The following TMED5 variants were observed in gnomAD, a reference collection of about 807,000 sequenced individuals.
TMED5 encodes the protein transmembrane emp24 domain-containing protein 5.
In TMED5, 27 loss-of-function variants were observed where a neutral mutation model predicts 23.0. The ratio of observed to expected loss-of-function variants is 1.17; its 90% CI spans 0.86 to 1.62. TMED5 has a LOEUF of 1.62. Ranked by LOEUF, TMED5 falls within the 40% of genes most tolerant of loss-of-function variation. The pLI is 0.00. For missense variants in TMED5, 248 were observed against 273.7 expected (o/e 0.91, Z 0.66); for synonymous variants, 97 against 100.8 (o/e 0.96, Z 0.23).
At chr1:93,156,080 G>C in intron 3 of TMED5, 1 of 1,460,350 alleles carries the variant, frequency 6.8e-7, no homozygotes, top group Non-Finnish European at 9.2e-7. Flanking sequence ...TTTTATAATA[G>C]GGTCCTGGAA....
intron 1 of TMED5, among the ~76,000 whole-genome samples, chr1:93,169,625 G>T (rs1384593689): frequency 6.6e-6 from 1 of 150,780 alleles, no homozygotes; most frequent in Non-Finnish European, 1.5e-5. Context: ...CAAAAAACTG[G>T]TTTTTTAAAA....
intron 1 of TMED5, chr1:93,163,114 T>C (rs1648345039): frequency 6.6e-6 from 1 of 151,316 alleles, no homozygotes. Context: ...AATAAAGTTA[T>C]TTTCAGATAT....
chr1:93,172,117 G>A (rs1648751210), intron 1 of TMED5, among the ~76,000 whole-genome samples: 1 of 152,056 alleles, frequency 6.6e-6, no homozygotes, highest in Non-Finnish European at 1.5e-5. Flanking sequence ...ACACTTAATG[G>A]CGAGAAACTA....
At chr1:93,157,867 A>G (rs984767701) in intron 2 of TMED5, among the ~76,000 whole-genome samples, 5 of 152,182 alleles carry the variant, frequency 3.3e-5, no homozygotes, top group Admixed American at 2.6e-4. Flanking sequence ...GCTCACGCCT[A>G]TAATCCCAGC....
At chr1:93,171,691 A>C (rs746502144) in intron 1 of TMED5, among the ~76,000 whole-genome samples, 1 of 152,234 alleles carries the variant, frequency 6.6e-6, no homozygotes, top group Non-Finnish European at 1.5e-5. Context: ...CTGAGGGAAC[A>C]ATTCTTTACT....
chr1:93,169,737 T>C (rs1392533239), intron 1 of TMED5, among the ~76,000 whole-genome samples: 1 of 151,852 alleles, frequency 6.6e-6, no homozygotes, highest in African/African-American at 2.4e-5. Flanking sequence ...TCATCATTAA[T>C]TATCTATGGA....
In TMED5 at chr1:93,151,361, A is replaced by C. The variant is rs1269655641; in HGVS notation, c.*3309T>G. The C allele has an allele frequency of 2.0e-5, 3 of 152,264 alleles. No homozygotes were observed. Among genetic ancestry groups the C allele is most frequent in the African/African-American group, 7.2e-5 (3 of 41,474 alleles). The allele number at this position is 152,264 out of a possible 1,614,324, so 9.4% of individuals were successfully genotyped here. ...AGCATTGTACTTTTCCTATATGCTAACAAGTTTTAAGATGTTTCTGAACAA... is the reference window on the plus strand; with the variant it reads ...AGCATTGTACTTTTCCTATATGCTACCAAGTTTTAAGATGTTTCTGAACAA... On this transcript the variant is annotated 3_prime_UTR_variant, in exon 4 of 4. Coordinates refer to ENST00000370282, the MANE Select transcript of TMED5 (RefSeq NM_016040.5).
chr1:93,175,302 T>C, intron 1 of TMED5, among the ~76,000 whole-genome samples: 1 of 87,480 alleles, frequency 1.1e-5, no homozygotes. Flanking sequence ...CTTATGCCTA[T>C]ATATATATAT....
At chr1:93,156,054 G>T in intron 3 of TMED5, 1 of 1,470,686 alleles carries the variant, frequency 6.8e-7, no homozygotes, top group Non-Finnish European at 9.1e-7. Flanking sequence ...AGTCTTATTT[G>T]CACATCTGAA....
At position 93,180,154 on chromosome 1, in the gene TMED5, G is replaced by T. The variant is rs1229940950; in HGVS notation, c.89C>A (p.Pro30His). The part of the protein sequence containing the change: ...VLLPGAAGFT[P>H]SLDSDFTFTL... ...AAAGGTGAAGTCGCTATCGAGGGAA[G>T]GTGTGAAGCCGGCCGCCCCAGGCAG... Residue 30 changes from proline to histidine, a missense_variant, in exon 1 of 4, where the codon CCT (proline) becomes CAT (histidine). Physicochemically the swap from Pro to His is moderately conservative, Grantham distance 77 (BLOSUM62 -2). Transcript: ENST00000370282. The T allele has an allele frequency of 1.2e-6, 2 of 1,613,380 alleles. No homozygotes were observed. Among genetic ancestry groups the T allele is most frequent in the South Asian group, 1.1e-5 (1 of 91,052 alleles).
intron 1 of TMED5, among the ~76,000 whole-genome samples, chr1:93,179,382 A>C (rs1649151470): frequency 6.6e-6 from 1 of 152,102 alleles, no homozygotes; most frequent in South Asian, 2.1e-4. Flanking sequence ...AAAAAAAAAA[A>C]AAACAATGAC....
At chr1:93,170,504 C>T (rs1648684413) in intron 1 of TMED5, among the ~76,000 whole-genome samples, 1 of 152,220 alleles carries the variant, frequency 6.6e-6, no homozygotes, top group African/African-American at 2.4e-5. Flanking sequence ...CTGAGCCTCC[C>T]CTCAGCCCCC....
At chr1:93,160,355 G>T in intron 1 of TMED5, 129 bp from the exon 2 acceptor site, 3 of 538,668 alleles carry the variant, frequency 5.6e-6, no homozygotes, top group Non-Finnish European at 9.9e-6. Flanking sequence ...TGATGTCTGA[G>T]CTAGAAAAGA....
Position 93,153,571 on chromosome 1 carries a change from TCA to T in TMED5, c.*1097_*1098del, listed in dbSNP as rs1207927069. 2 of 152,160 alleles carry T rather than the reference TCA, an allele frequency of 1.3e-5. No individual in the cohort carries two copies. The highest frequency in any genetic ancestry group is 1.5e-5 in the Non-Finnish European group (1 of 67,982). The allele number at this position is 152,160 out of a possible 1,614,324, so 9.4% of individuals were successfully genotyped here. ...TTTGATTTATGTTATGAGTAGGATG[TCA>T]TGATGAGCCAGTCAGATTCTAGATA... On this transcript the variant is annotated 3_prime_UTR_variant, in exon 4 of 4. Coordinates refer to ENST00000370282, the MANE Select transcript of TMED5 (RefSeq NM_016040.5).
intron 3 of TMED5, among the ~76,000 whole-genome samples, chr1:93,155,465 T>C (rs1029121328): frequency 6.6e-6 from 1 of 151,782 alleles, no homozygotes; most frequent in Non-Finnish European, 1.5e-5. Context: ...CTGAGTGGCA[T>C]AGCATCAGGA....
rs941446156 is a variant in TMED5, at chr1:93,152,504, T to G, written c.*2166A>C. 1 of 152,394 alleles carries G rather than the reference T, an allele frequency of 6.6e-6. No homozygotes were observed. The highest frequency in any genetic ancestry group is 1.5e-5 in the Non-Finnish European group (1 of 68,008). The allele number at this position is 152,394 out of a possible 1,614,324, so 9.4% of individuals were successfully genotyped here. On this transcript the variant is annotated 3_prime_UTR_variant, in exon 4 of 4. Coordinates refer to ENST00000370282, the MANE Select transcript of TMED5 (RefSeq NM_016040.5). ...TGTCTTTTTACTTTGTCTATAAAAA[T>G]AATTGTCCTTAGTATTCCTAAATTC...
At chr1:93,168,328 C>A (rs1648578495) in intron 1 of TMED5, among the ~76,000 whole-genome samples, 1 of 152,056 alleles carries the variant, frequency 6.6e-6, no homozygotes, top group African/African-American at 2.4e-5. Context: ...TCTAAATATG[C>A]CAATTAAAAG....
chr1:93,163,240 A>C (rs1314618797), intron 1 of TMED5: 3 of 152,152 alleles, frequency 2.0e-5, no homozygotes, highest in Non-Finnish European at 4.4e-5. Context: ...GATTTCAGTA[A>C]AACAAAGTTA....
chr1:93,155,951 C>T (rs1436034330), intron 3 of TMED5: 1 of 658,860 alleles, frequency 1.5e-6, no homozygotes, highest in African/African-American at 1.9e-5. Flanking sequence ...AAACATTTTA[C>T]TTTTCATATG....
Sources: allele counts gnomAD v4.1 joint callset (sites outside exome capture counted in the v4.1 genomes callset), GRCh38; gene constraint gnomAD v4.1.1; transcripts MANE v1.5; gene names NCBI Gene and HGNC (gene_info 2026-07-23, HGNC 2026-07-21).